COX7B2: variants seen among roughly 807,000 people sequenced by gnomAD.
COX7B2 encodes the protein cytochrome c oxidase subunit 7B2.
For synonymous variants in COX7B2, 37 were observed against 32.1 expected (o/e 1.15, Z -0.51); for missense variants, 109 against 95.9 (o/e 1.14, Z -0.57).
chr4:46,797,697 T>G (rs189255895), intron 2 of COX7B2, among the ~76,000 whole-genome samples: 1 of 152,294 alleles, frequency 6.6e-6, no homozygotes, highest in Non-Finnish European at 1.5e-5. Context: ...TCCATTCAAC[T>G]TGGCTATATG....
chr4:46,849,126 G>A (rs968497105), intron 1 of COX7B2, among the ~76,000 whole-genome samples: 7 of 151,986 alleles, frequency 4.6e-5, no homozygotes, highest in Non-Finnish European at 1.0e-4. Context: ...CCATGGATAT[G>A]GAGGGCTAAC....
intron 2 of COX7B2, among the ~76,000 whole-genome samples, chr4:46,802,042 C>T (rs917221156): frequency 1.3e-5 from 2 of 152,128 alleles, no homozygotes; most frequent in African/African-American, 4.8e-5. Context: ...TAACCCTTCC[C>T]TTGGTAAATG....
intron 1 of COX7B2, among the ~76,000 whole-genome samples, chr4:46,882,907 C>T (rs1718839498): frequency 6.6e-6 from 1 of 152,160 alleles, no homozygotes; most frequent in Non-Finnish European, 1.5e-5. Context: ...TATATCTACA[C>T]TATTCCATAT....
At chr4:46,900,721 C>T (rs1414250019) in intron 1 of COX7B2, among the ~76,000 whole-genome samples, 3 of 152,014 alleles carry the variant, frequency 2.0e-5, no homozygotes, top group Non-Finnish European at 4.4e-5. Context: ...ATAAAAGAGG[C>T]CCAATGAAGC....
chr4:46,745,587 T>C (rs1386834294), intron 2 of COX7B2, among the ~76,000 whole-genome samples: 1 of 152,232 alleles, frequency 6.6e-6, no homozygotes, highest in Non-Finnish European at 1.5e-5. Context: ...TGAGAAAAAC[T>C]GGCCAGAGGG....
chr4:46,887,883 G>A (rs1312648188), intron 1 of COX7B2, among the ~76,000 whole-genome samples: 3 of 152,034 alleles, frequency 2.0e-5, no homozygotes, highest in Non-Finnish European at 2.9e-5. Context: ...AAGGTTGGGA[G>A]TTGGCCATGG....
At chr4:46,748,726 C>T (rs1447998229) in intron 2 of COX7B2, among the ~76,000 whole-genome samples, 1 of 152,114 alleles carries the variant, frequency 6.6e-6, no homozygotes, top group East Asian at 1.9e-4. Context: ...CATGATATTC[C>T]CTTATTACTC....
chr4:46,886,547 A>G lies in COX7B2; in HGVS notation c.-105+22613T>C, dbSNP rs79736828. ...TTAAACAACTCTTATTCTCACAAGT[A>G]TAATTAATTTAGTCCTTTGTGTATA... On this transcript the variant is annotated intron_variant, in intron 1 of 2. Coordinates refer to ENST00000355591, the MANE Select transcript of COX7B2 (RefSeq NM_130902.3). Among the ~76,000 whole-genome samples, 927 of 152,294 alleles carry G rather than the reference A, an allele frequency of 6.1e-3. 10 individuals carry two copies. The highest frequency in any genetic ancestry group is 0.022 in the African/African-American group (895 of 41,578).
At chr4:46,789,170 G>T (rs745441362) in intron 2 of COX7B2, among the ~76,000 whole-genome samples, 26 of 152,136 alleles carry the variant, frequency 1.7e-4, no homozygotes, top group Non-Finnish European at 2.2e-4. Flanking sequence ...AGATTAGGAA[G>T]TTGATTAGCT....
Position 46,734,904 on chromosome 4 carries a change from G to T in COX7B2, c.*43C>A, listed in dbSNP as rs1350012155. 2 of 1,609,694 alleles carry T rather than the reference G, an allele frequency of 1.2e-6. No homozygotes were observed. Among genetic ancestry groups the T allele is most frequent in the Non-Finnish European group, 1.7e-6 (2 of 1,176,444 alleles). ...AAGCAGTAGAGTGCTTACATGACAA[G>T]TTGGTTTTTTAAACAATTCTGTCAT... On this transcript the variant is annotated 3_prime_UTR_variant, in exon 3 of 3. Transcript: ENST00000355591.
At chr4:46,783,805 AAG>A (rs763009302) in intron 2 of COX7B2, among the ~76,000 whole-genome samples, 21 of 152,190 alleles carry the variant, frequency 1.4e-4, no homozygotes, top group Non-Finnish European at 2.5e-4. Flanking sequence ...AGAAGAAGAA[AAG>A]AGAGAAAGTA....
chr4:46,775,601 T>A (rs1444233292), intron 2 of COX7B2, among the ~76,000 whole-genome samples: 1 of 152,018 alleles, frequency 6.6e-6, no homozygotes, highest in Non-Finnish European at 1.5e-5. Flanking sequence ...AAAAGAAGCG[T>A]CTGAATAATG....
At position 46,788,653 on chromosome 4, in the gene COX7B2, T is replaced by C. The variant is rs150208148; in HGVS notation, c.-49-53412A>G. On this transcript the variant is annotated intron_variant, in intron 2 of 2. Coordinates refer to ENST00000355591, the MANE Select transcript of COX7B2 (RefSeq NM_130902.3). ...ATTTACAGATGTATATCTCCACATA[T>C]AGAAATCAATTTATGTATTTGTATA... Among the ~76,000 whole-genome samples the C allele has an allele frequency of 1.9e-3, 292 of 152,302 alleles. 3 individuals carry two copies. The highest frequency in any genetic ancestry group is 6.6e-3 in the African/African-American group (276 of 41,568).
At chr4:46,762,253 AAT>A (rs1560362007) in intron 2 of COX7B2, among the ~76,000 whole-genome samples, 1 of 138,180 alleles carries the variant, frequency 7.2e-6, no homozygotes, top group Non-Finnish European at 1.5e-5. Context: ...TTATATATTT[AAT>A]ATATAATATA....
intron 2 of COX7B2, among the ~76,000 whole-genome samples, chr4:46,740,888 A>G (rs1288431122): frequency 5.9e-5 from 9 of 152,230 alleles, no homozygotes; most frequent in South Asian, 2.1e-4. Context: ...GTTCAAAATC[A>G]GCAGATATTG....
At chr4:46,780,686 GC>G (rs1717400735) in intron 2 of COX7B2, among the ~76,000 whole-genome samples, 2 of 151,956 alleles carry the variant, frequency 1.3e-5, no homozygotes, top group Admixed American at 1.3e-4. Flanking sequence ...AACACTAATT[GC>G]TATGGCTTTT....
chr4:46,828,370 T>G (rs879033830), intron 2 of COX7B2, among the ~76,000 whole-genome samples: 1 of 152,176 alleles, frequency 6.6e-6, no homozygotes, highest in Admixed American at 6.5e-5. Flanking sequence ...AAAGTTCAAA[T>G]TATGAGTTTT....
intron 2 of COX7B2, among the ~76,000 whole-genome samples, chr4:46,838,488 G>C (rs1473299913): frequency 2.0e-5 from 3 of 152,014 alleles, no homozygotes; most frequent in Non-Finnish European, 4.4e-5. Flanking sequence ...AGGAAGGTTG[G>C]ACTTGTGCCA....
rs564120715 is a variant in COX7B2, at chr4:46,759,899, GTCTTA to G, written c.-49-24663_-49-24659del. Among the ~76,000 whole-genome samples the G allele has an allele frequency of 3.7e-3, 553 of 148,978 alleles. 7 individuals are homozygous for G. The highest frequency in any genetic ancestry group is 0.03 in the South Asian group (139 of 4,704). On this transcript the variant is annotated intron_variant, in intron 2 of 2. Coordinates refer to ENST00000355591, the MANE Select transcript of COX7B2 (RefSeq NM_130902.3). Reference sequence around the variant, plus strand: ...GTCATATCTTATATAAGTTATATAAGTCTTATCTTATATAAGTTATATAAGTCTTA... The same window carrying G: ...GTCATATCTTATATAAGTTATATAAGTCTTATATAAGTTATATAAGTCTTA...
Sources: allele counts gnomAD v4.1 joint callset (sites outside exome capture counted in the v4.1 genomes callset), GRCh38; gene constraint gnomAD v4.1.1; transcripts MANE v1.5; gene names NCBI Gene and HGNC (gene_info 2026-07-23, HGNC 2026-07-21).